Variants in PCDH15 observed in about 807,000 individuals in gnomAD.
The protein encoded by PCDH15 is protocadherin related 15, also known as protocadherin-15.
PCDH15 carries 129 observed loss-of-function variants against 178.5 expected under a neutral mutation model. That is an observed-to-expected ratio of 0.72 (90% confidence interval 0.63 to 0.84). The LOEUF is 0.84. Among genes scored for constraint, PCDH15 ranks in the 40% least tolerant of loss-of-function variants. PCDH15 has a pLI of 0.00. For synonymous variants in PCDH15, 800 were observed against 732.0 expected (o/e 1.09, Z -1.50); for missense variants, 2,230 against 2,099.9 (o/e 1.06, Z -1.21).
chr10:53,850,481 T>C (rs995454274), intron 28 of PCDH15, among the ~76,000 whole-genome samples: 4 of 152,110 alleles, frequency 2.6e-5, no homozygotes, highest in African/African-American at 9.6e-5. Context: ...TCCAAATGAA[T>C]ATTTCAAAAA....
At chr10:54,536,237 T>C (rs2084503649) in intron 2 of PCDH15, among the ~76,000 whole-genome samples, 1 of 152,244 alleles carries the variant, frequency 6.6e-6, no homozygotes, top group Non-Finnish European at 1.5e-5. Context: ...GTAGCTCAGT[T>C]GCATTATTTG....
chr10:54,933,289 T>C (rs1277120025), intron 2 of PCDH15, among the ~76,000 whole-genome samples: 1 of 152,124 alleles, frequency 6.6e-6, no homozygotes, highest in East Asian at 1.9e-4. Context: ...TAATTTCAAG[T>C]AGTTGTGAAT....
intron 4 of PCDH15, among the ~76,000 whole-genome samples, chr10:54,372,982 C>T (rs948520346): frequency 9.9e-5 from 15 of 151,042 alleles, no homozygotes; most frequent in Non-Finnish European, 1.6e-4. Context: ...AAAAAATTTT[C>T]CCACAAAAAT....
At chr10:54,445,881 T>G (rs1381781189) in intron 3 of PCDH15, among the ~76,000 whole-genome samples, 1 of 151,628 alleles carries the variant, frequency 6.6e-6, no homozygotes, top group African/African-American at 2.4e-5. Context: ...TTAATTCATA[T>G]CTCTTTTCCA....
intron 3 of PCDH15, among the ~76,000 whole-genome samples, chr10:54,457,410 C>G (rs138737345): frequency 6.6e-6 from 1 of 152,086 alleles, no homozygotes; most frequent in Admixed American, 6.6e-5. Context: ...TACCTCTGGA[C>G]GCTTTATTCT....
At chr10:55,550,438 G>A (rs2132087172) in intron 2 of PCDH15, among the ~76,000 whole-genome samples, 1 of 152,250 alleles carries the variant, frequency 6.6e-6, no homozygotes, top group South Asian at 2.1e-4. Flanking sequence ...AGGAGTATGA[G>A]TCATAGTATG....
chr10:54,316,137 T>C (rs1305739212), intron 8 of PCDH15, among the ~76,000 whole-genome samples: 1 of 152,156 alleles, frequency 6.6e-6, no homozygotes, highest in Non-Finnish European at 1.5e-5. Context: ...CATAACTATT[T>C]ATTTTTCTCT....
Position 54,835,280 on chromosome 10 carries a change from T to A in PCDH15, c.-29+62170A>T, listed in dbSNP as rs1411147612. Among the ~76,000 whole-genome samples the A allele has an allele frequency of 2.0e-5, 3 of 152,152 alleles. No individual in the cohort carries two copies. The East Asian group carries it at 5.8e-4, about 29-fold the overall frequency. On this transcript the variant is annotated intron_variant, in intron 3 of 5. Transcript: ENST00000458638. ...AATTAATATTAATATTTTTTAAGCA[T>A]CAGCATTCATCTATAAACCCACAAA...
intron 26 of PCDH15, among the ~76,000 whole-genome samples, chr10:53,892,982 G>T (rs1352992981): frequency 6.6e-6 from 1 of 152,052 alleles, no homozygotes; most frequent in Middle Eastern, 3.2e-3. Context: ...TGAAAGAAAA[G>T]ATGATAGAGA....
chr10:55,401,615 T>TGTGTGA (rs1838072434), intron 2 of PCDH15, among the ~76,000 whole-genome samples: 1 of 151,178 alleles, frequency 6.6e-6, no homozygotes, highest in Non-Finnish European at 1.5e-5. Context: ...TGTGTGTGTG[T>TGTGTGA]GTGTGTGTGT....
chr10:54,097,124 C>A (rs79004231), intron 15 of PCDH15, among the ~76,000 whole-genome samples: 2,723 of 152,284 alleles, frequency 0.018, 37 homozygotes, highest in Non-Finnish European at 0.031. Context: ...CATAATTTTT[C>A]CCAGGCTTCT....
rs879506143 is a variant in PCDH15, at chr10:54,590,106, A to ATTTTT, written c.92-62230_92-62229insAAAAA. ...TTTGGCTTTTATTTATCTCCAGATT[A>ATTTTT]AAGTGTTATTAAGGATTAATTTAAT... On this transcript the variant is annotated intron_variant, in intron 2 of 37. Transcript: ENST00000644397. Among the ~76,000 whole-genome samples, 965 of 152,296 alleles carry ATTTTT rather than the reference A, an allele frequency of 6.3e-3. 3 individuals are homozygous for ATTTTT. Among genetic ancestry groups the ATTTTT allele is most frequent in the Middle Eastern group, 0.014 (4 of 294 alleles).
At chr10:55,380,836 C>T (rs926404733) in intron 2 of PCDH15, among the ~76,000 whole-genome samples, 1 of 152,090 alleles carries the variant, frequency 6.6e-6, no homozygotes, top group Non-Finnish European at 1.5e-5. Flanking sequence ...TGTTATCTTG[C>T]AAAGTAAAAC....
At chr10:53,817,495 CTTTG>C (rs1229282680) in intron 34 of PCDH15, among the ~76,000 whole-genome samples, 1 of 136,886 alleles carries the variant, frequency 7.3e-6, no homozygotes, top group African/African-American at 2.8e-5. Flanking sequence ...TATATATATT[CTTTG>C]TTTTTTTTTT....
At chr10:54,665,921 C>A (rs1247439559) in intron 1 of PCDH15, among the ~76,000 whole-genome samples, 2 of 151,962 alleles carry the variant, frequency 1.3e-5, no homozygotes, top group Non-Finnish European at 2.9e-5. Context: ...ACCAATGCTA[C>A]TGGTTGTGTA....
In PCDH15 at chr10:54,307,122, A is replaced by G. The variant is rs1390489407; in HGVS notation, c.876+10149T>C. On this transcript the variant is annotated intron_variant, in intron 8 of 37. Coordinates refer to ENST00000644397, the MANE Select transcript of PCDH15 (RefSeq NM_001384140.1). ...TGTGTGTGTATATATATATATATAT[A>G]TATATATATATATATATATATATAT... 9.3e-4 allele frequency among the ~76,000 whole-genome samples: 59 copies of G among 63,154 alleles called. 4 individuals are homozygous for G. Among genetic ancestry groups the G allele is most frequent in the South Asian group, 2.8e-3 (5 of 1,776 alleles). 41.4% of individuals were successfully genotyped at this position (63,154 alleles called of 152,430 possible).
At chr10:55,279,694 G>C (rs965567032) in intron 1 of PCDH15, among the ~76,000 whole-genome samples, 5 of 152,090 alleles carry the variant, frequency 3.3e-5, no homozygotes, top group Admixed American at 2.0e-4. Flanking sequence ...CTTAAAAATA[G>C]CAATCTCCAA....
intron 21 of PCDH15, among the ~76,000 whole-genome samples, chr10:53,981,560 C>T (rs546110407): frequency 6.6e-6 from 1 of 151,618 alleles, no homozygotes; most frequent in Non-Finnish European, 1.5e-5. Context: ...GAAAAACAAG[C>T]AATGGGGAAA....
chr10:55,210,891 G>T (rs1840553947), intron 1 of PCDH15, among the ~76,000 whole-genome samples: 1 of 151,890 alleles, frequency 6.6e-6, no homozygotes, highest in South Asian at 2.1e-4. Context: ...CTCCCAAAAT[G>T]CTGGGATTAC....
Sources: allele counts gnomAD v4.1 joint callset (sites outside exome capture counted in the v4.1 genomes callset), GRCh38; gene constraint gnomAD v4.1.1; transcripts MANE v1.5; gene names NCBI Gene and HGNC (gene_info 2026-07-23, HGNC 2026-07-21).